RHOA: variants seen among roughly 807,000 people sequenced by gnomAD.
The protein encoded by RHOA is transforming protein RhoA.
A neutral mutation model predicts 17.5 loss-of-function variants in RHOA; 3 were observed. The ratio of observed to expected loss-of-function variants is 0.17; its 90% confidence interval spans 0.08 to 0.44. The LOEUF is 0.44. RHOA is among the 20% of genes least tolerant of loss of function. RHOA has a pLI of 0.99. For missense variants in RHOA, 56 were observed against 242.3 expected, an observed-to-expected ratio of 0.23 and a Z score of 5.10; for synonymous variants, 98 against 88.4, an observed-to-expected ratio of 1.11 and a Z score of -0.61.
intron 1 of RHOA, among the ~76,000 whole-genome samples, chr3:49,401,243 G>C (rs1053932689): frequency 6.6e-6 from 1 of 151,736 alleles, no homozygotes; most frequent in African/African-American, 2.4e-5. Flanking sequence ...TAAAACTCCT[G>C]ACCAGGTGTG....
chr3:49,407,457 C>T (rs1481412573), intron 1 of RHOA, among the ~76,000 whole-genome samples: 2 of 152,048 alleles, frequency 1.3e-5, no homozygotes. Context: ...TGGTCTCAAA[C>T]TCCTGACCTC....
intron 1 of RHOA, among the ~76,000 whole-genome samples, chr3:49,391,938 C>T (rs2048518519): frequency 6.6e-6 from 1 of 151,090 alleles, no homozygotes; most frequent in Non-Finnish European, 1.5e-5. Context: ...AGTGATTCTC[C>T]CGCCTCAGCC....
At chr3:49,365,554 G>A (rs1409143516) in intron 3 of RHOA, among the ~76,000 whole-genome samples, 1 of 150,814 alleles carries the variant, frequency 6.6e-6, no homozygotes, top group Non-Finnish European at 1.5e-5. Flanking sequence ...TGAATAAATT[G>A]ACTGTCGCCA....
intron 1 of RHOA, among the ~76,000 whole-genome samples, chr3:49,393,721 TGTGTGTGTGA>T (rs1318456316): frequency 9.1e-5 from 9 of 98,896 alleles, no homozygotes; most frequent in African/African-American, 2.5e-4. Flanking sequence ...TGTGTGTGTG[TGTGTGTGTGA>T]CAGAATCTCG....
intron 1 of RHOA, among the ~76,000 whole-genome samples, chr3:49,411,146 GTTT>G (rs941871377): frequency 6.7e-6 from 1 of 148,502 alleles, no homozygotes; most frequent in South Asian, 2.1e-4. Context: ...TTTGTGTGTT[GTTT>G]TTTTTTTCCA....
intron 1 of RHOA, among the ~76,000 whole-genome samples, chr3:49,397,368 T>A (rs1458064425): frequency 6.6e-6 from 1 of 152,114 alleles, no homozygotes. Flanking sequence ...TTTGAGGTGA[T>A]AATAATGTTC....
intron 1 of RHOA, among the ~76,000 whole-genome samples, chr3:49,393,368 G>C (rs988926212): frequency 1.3e-5 from 2 of 151,692 alleles, no homozygotes; most frequent in Admixed American, 1.3e-4. Flanking sequence ...GTGCAGTGAC[G>C]TAATTATGGC....
rs2048944539 is a variant in RHOA, at chr3:49,411,847, C to T, written c.-30G>A. On this transcript the variant is annotated 5_prime_UTR_variant, in exon 1 of 5. Coordinates refer to ENST00000418115, the MANE Select transcript of RHOA (RefSeq NM_001664.4). ...CAGGCAACGAATCCGAGTCCAGCCT[C>T]TTCGCGCCGGGGACGCCGGTCCGCG... The T allele has an allele frequency of 2.0e-5, 3 of 152,178 alleles. No homozygotes were observed. The South Asian group carries it at 6.1e-4, about 31-fold the overall frequency. The allele number at this position is 152,178 out of a possible 1,614,324, so 9.4% of individuals were successfully genotyped here. A position where few individuals can be genotyped will look rare whatever the true frequency, so the allele number is the denominator to read the frequency against.
intron 1 of RHOA, 46 bp downstream of exon 1, chr3:49,411,774 G>A (rs1211676096): frequency 6.6e-6 from 1 of 151,900 alleles, no homozygotes; most frequent in African/African-American, 2.4e-5. Flanking sequence ...TACCGGGCTG[G>A]CGGGCCTGGG....
At position 49,359,392 on chromosome 3, in the gene RHOA, A is replaced by AT. The variant is rs1182526155; in HGVS notation, c.*816dup. 1.1e-5 allele frequency: 2 copies of AT among 187,284 alleles called. No homozygotes were observed. The highest frequency in any genetic ancestry group is 4.7e-5 in the African/African-American group (2 of 42,700). The allele number at this position is 187,284 out of a possible 1,614,324, so 11.6% of individuals were successfully genotyped here. A position where few individuals can be genotyped will look rare whatever the true frequency, so the allele number is the denominator to read the frequency against. The stretch of plus-strand genomic sequence containing the variant: ...TGCCTCAGGCGTGAAACCAATTCCT[A>AT]TTTACTTAGCCCAGCTCCATGGGGT... On this transcript the variant is annotated 3_prime_UTR_variant, in exon 5 of 5. Coordinates refer to ENST00000418115, the MANE Select transcript of RHOA (RefSeq NM_001664.4).
At chr3:49,390,681 CCT>C (rs1212305349) in intron 1 of RHOA, among the ~76,000 whole-genome samples, 69 of 152,274 alleles carry the variant, frequency 4.5e-4, no homozygotes, top group African/African-American at 1.6e-3. Flanking sequence ...GTGGCTTAAT[CCT>C]CTGTCTAATA....
At position 49,388,007 on chromosome 3, in the gene RHOA, CT is replaced by C. The variant is rs772445967; in HGVS notation, c.-2-12417del. The stretch of plus-strand genomic sequence containing the variant: ...ATGTCAAGGAAGGGGATGGCTTTCT[CT>C]TTTTTTTTTTTTCCTGGAGACAAGG... On this transcript the variant is annotated intron_variant, in intron 1 of 4. Transcript: ENST00000418115. Among the ~76,000 whole-genome samples the C allele has an allele frequency of 3.1e-3, 439 of 143,530 alleles. 1 individual carries two copies. The highest frequency in any genetic ancestry group is 4.2e-3 in the Admixed American group (60 of 14,228). The allele number at this position is 143,530 out of a possible 152,430, so 94.2% of individuals were successfully genotyped here. A position where few individuals can be genotyped will look rare whatever the true frequency, so the allele number is the denominator to read the frequency against.
intron 1 of RHOA, among the ~76,000 whole-genome samples, chr3:49,396,514 C>T (rs1486546742): frequency 6.6e-6 from 1 of 152,104 alleles, no homozygotes; most frequent in African/African-American, 2.4e-5. Context: ...CGAGACCAGC[C>T]TGGCCAACAT....
intron 1 of RHOA, among the ~76,000 whole-genome samples, chr3:49,411,161 A>G (rs1048525983): frequency 6.6e-6 from 1 of 151,950 alleles, no homozygotes; most frequent in African/African-American, 2.4e-5. Flanking sequence ...TTTTTTCCAA[A>G]TGGAAAATAC....
rs527537039 is a variant in RHOA at position 49,408,959 on chromosome 3, A to AT, written c.-3+2860dup. On this transcript the variant is annotated intron_variant, in intron 1 of 4. Coordinates refer to ENST00000418115, the MANE Select transcript of RHOA (RefSeq NM_001664.4). ...AGGCGCCCGCCACCACACCCAGCTA[A>AT]TTTTTTTTGTATTTTTAGTAGAGAC... is the stretch of plus-strand genomic sequence containing the variant. Among the ~76,000 whole-genome samples, 26 of 151,560 alleles carry AT rather than the reference A, an allele frequency of 1.7e-4. No homozygotes were observed. In the East Asian group the frequency reaches 3.7e-3, roughly 22 times the overall value.
At chr3:49,400,127 G>A (rs961148884) in intron 1 of RHOA, among the ~76,000 whole-genome samples, 9 of 150,870 alleles carry the variant, frequency 6.0e-5, no homozygotes, top group African/African-American at 1.2e-4. Context: ...CAGGAGAATC[G>A]CTTGAACCCG....
chr3:49,362,394 A>G lies in RHOA; in HGVS notation c.408+102T>C, dbSNP rs543746019. 22 of 1,334,480 alleles carry G rather than the reference A, an allele frequency of 1.6e-5. No homozygotes were observed. In the East Asian group the frequency reaches 4.7e-4, roughly 28 times the overall value. The allele number at this position is 1,334,480 out of a possible 1,614,324, so 82.7% of individuals were successfully genotyped here. A position where few individuals can be genotyped will look rare whatever the true frequency, so the allele number is the denominator to read the frequency against. ...GCCACAGAGGGGCTTCTGAGCCTCT[A>G]AAACAACCTGGCCTGTGAAGGTTCC... On this transcript the variant is annotated intron_variant, in intron 4 of 4. Transcript: ENST00000418115.
intron 1 of RHOA, among the ~76,000 whole-genome samples, chr3:49,399,054 CAAAAAAAAAAAAAAAAAAAAAAAA>C (rs10530558): frequency 4.0e-5 from 1 of 24,830 alleles, no homozygotes; most frequent in African/African-American, 1.6e-4. Flanking sequence ...GACTCCGTCT[CAAAAAAAAAAAAAAAAAAAAAAAA>C]AAAAAAAAAG....
chr3:49,383,093 C>T (rs1042451663), intron 1 of RHOA, among the ~76,000 whole-genome samples: 1 of 151,614 alleles, frequency 6.6e-6, no homozygotes, highest in Non-Finnish European at 1.5e-5. Context: ...GAAAAGGCTG[C>T]CACCTTTGCG....
Sources: allele counts gnomAD v4.1 joint callset (sites outside exome capture counted in the v4.1 genomes callset), GRCh38; gene constraint gnomAD v4.1.1; transcripts MANE v1.5; gene names NCBI Gene and HGNC (gene_info 2026-07-23, HGNC 2026-07-21).